The following MACROD2 variants were observed in gnomAD, a reference collection of about 807,000 sequenced individuals.
MACROD2 encodes the protein ADP-ribose glycohydrolase MACROD2.
A neutral mutation model predicts 70.4 loss-of-function variants in MACROD2; 36 were observed. The observed-to-expected ratio is 0.51, with a 90% confidence interval of 0.39 to 0.68. MACROD2 has a LOEUF of 0.68. MACROD2 is among the 30% of genes least tolerant of loss of function. The pLI is 0.00. For synonymous variants in MACROD2, 172 were observed against 178.8 expected (o/e 0.96, Z 0.30); for missense variants, 496 against 538.4 (o/e 0.92, Z 0.78).
chr20:14,977,632 A>G (rs1254285957), intron 5 of MACROD2, among the ~76,000 whole-genome samples: 2 of 152,110 alleles, frequency 1.3e-5, no homozygotes, highest in Non-Finnish European at 2.9e-5. Context: ...ATAGGGTGTT[A>G]TGAGAGTCAA....
At chr20:14,946,401 A>T (rs2074432575) in intron 5 of MACROD2, among the ~76,000 whole-genome samples, 1 of 152,174 alleles carries the variant, frequency 6.6e-6, no homozygotes, top group Admixed American at 6.5e-5. Flanking sequence ...ATATATCAGA[A>T]AAAATTACAC....
chr20:14,900,555 T>TA (rs113746137), intron 5 of MACROD2, among the ~76,000 whole-genome samples: 2 of 142,296 alleles, frequency 1.4e-5, no homozygotes, highest in Non-Finnish European at 3.1e-5. Context: ...CTTTCTGAGA[T>TA]TTTTTTTAAA....
At chr20:14,732,133 AAG>A (rs2071606048) in intron 5 of MACROD2, among the ~76,000 whole-genome samples, 1 of 152,166 alleles carries the variant, frequency 6.6e-6, no homozygotes, top group South Asian at 2.1e-4. Context: ...ATACAACAGA[AAG>A]GGAATATTTA....
Position 15,301,863 on chromosome 20 carries a change from C to T in MACROD2, c.540+71802C>T, listed in dbSNP as rs552478810. Among the ~76,000 whole-genome samples the T allele has an allele frequency of 3.9e-5, 6 of 152,204 alleles. No homozygotes were observed. The East Asian group carries it at 7.7e-4, about 20-fold the overall frequency. On this transcript the variant is annotated intron_variant, in intron 6 of 17. Coordinates refer to ENST00000684519, the MANE Select transcript of MACROD2 (RefSeq NM_001351661.2). ...GTTCTGGAACTTAGTCATTCTCTCG[C>T]GTCTCATTTTTCCTCTAACTTTCAG... is the stretch of plus-strand genomic sequence containing the variant.
At chr20:15,126,828 A>T (rs1214995647) in intron 5 of MACROD2, among the ~76,000 whole-genome samples, 2 of 152,154 alleles carry the variant, frequency 1.3e-5, no homozygotes, top group African/African-American at 4.8e-5. Flanking sequence ...CTTGTAAAAT[A>T]AAAGGATAAT....
At chr20:15,998,705 C>T (rs6080080) in intron 15 of MACROD2, among the ~76,000 whole-genome samples, 57,380 of 151,280 alleles carry the variant, frequency 0.38, 11,897 homozygotes, top group Non-Finnish European at 0.45. Flanking sequence ...GCTGGGACTA[C>T]AGGCACCCGC....
chr20:15,289,095 G>A (rs575979999), intron 6 of MACROD2, among the ~76,000 whole-genome samples: 18 of 152,196 alleles, frequency 1.2e-4, no homozygotes, highest in South Asian at 6.2e-4. Context: ...GTGCCTGCCC[G>A]CCTCACCCAT....
chr20:14,088,564 C>A (rs950174340), intron 3 of MACROD2, among the ~76,000 whole-genome samples: 2 of 152,088 alleles, frequency 1.3e-5, no homozygotes, highest in Non-Finnish European at 2.9e-5. Flanking sequence ...TACAATTGAT[C>A]ATATCTACTT....
chr20:15,887,888 T>A (rs1234264166), intron 10 of MACROD2, among the ~76,000 whole-genome samples: 1 of 152,186 alleles, frequency 6.6e-6, no homozygotes, highest in East Asian at 1.9e-4. Flanking sequence ...AATTGGTGTG[T>A]GTTTTACATA....
intron 5 of MACROD2, among the ~76,000 whole-genome samples, chr20:14,994,043 A>G (rs1275179736): frequency 6.6e-6 from 1 of 152,160 alleles, no homozygotes; most frequent in Non-Finnish European, 1.5e-5. Context: ...GCTCCCCTAT[A>G]GGTTGGAGAA....
chr20:14,670,517 A>G (rs928454342), intron 4 of MACROD2, among the ~76,000 whole-genome samples: 14 of 152,150 alleles, frequency 9.2e-5, no homozygotes, highest in Non-Finnish European at 4.4e-5. Context: ...ATGTTTCGTC[A>G]GATCAGAATT....
intron 6 of MACROD2, among the ~76,000 whole-genome samples, chr20:15,262,986 G>A (rs2077262321): frequency 6.6e-6 from 1 of 151,988 alleles, no homozygotes; most frequent in South Asian, 2.1e-4. Flanking sequence ...CCGATTCTGT[G>A]GGTTGTTTCT....
chr20:15,529,101 T>C (rs373463988), intron 8 of MACROD2, among the ~76,000 whole-genome samples: 1 of 152,172 alleles, frequency 6.6e-6, no homozygotes, highest in African/African-American at 2.4e-5. Context: ...CTCCACGTGA[T>C]TGATCAGATT....
intron 3 of MACROD2, among the ~76,000 whole-genome samples, chr20:14,190,443 T>A (rs961222496): frequency 2.6e-5 from 4 of 151,760 alleles, no homozygotes; most frequent in African/African-American, 9.7e-5. Context: ...CTTTTGATTA[T>A]CCATGCTAAC....
intron 3 of MACROD2, among the ~76,000 whole-genome samples, chr20:14,158,501 C>A (rs2055136881): frequency 6.6e-6 from 1 of 152,012 alleles, no homozygotes; most frequent in South Asian, 2.1e-4. Flanking sequence ...AAAATCCTTG[C>A]CTAGACTAAT....
At chr20:15,048,282 A>G (rs2075411328) in intron 5 of MACROD2, among the ~76,000 whole-genome samples, 1 of 152,082 alleles carries the variant, frequency 6.6e-6, no homozygotes, top group South Asian at 2.1e-4. Context: ...CTCCATCTCA[A>G]AAACAAACAC....
intron 6 of MACROD2, among the ~76,000 whole-genome samples, chr20:15,290,868 G>T (rs148011795): frequency 5.0e-4 from 76 of 152,216 alleles, no homozygotes; most frequent in Middle Eastern, 6.8e-3. Context: ...TCAATTCCTA[G>T]GTGCTGGGGC....
rs550556488 is a variant in MACROD2 at position 15,991,188 on chromosome 20, C to G, written c.1153+4030C>G. On this transcript the variant is annotated intron_variant, in intron 15 of 17. Transcript: ENST00000684519. ...GTTTACACAGAAACTCTGCTCAGAACCAAGCTGGATTTCCATCACCATCTT... is the reference window on the plus strand; with the variant it reads ...GTTTACACAGAAACTCTGCTCAGAAGCAAGCTGGATTTCCATCACCATCTT... 3.3e-5 allele frequency among the ~76,000 whole-genome samples: 5 copies of G among 152,336 alleles called. No individual in the cohort carries two copies. In the East Asian group the frequency reaches 9.6e-4, roughly 29 times the overall value.
chr20:14,847,644 T>A (rs901164577), intron 5 of MACROD2, among the ~76,000 whole-genome samples: 3 of 151,378 alleles, frequency 2.0e-5, no homozygotes, highest in Non-Finnish European at 2.9e-5. Flanking sequence ...TCCCCCCTTT[T>A]AAAAAAAAAT....
Sources: gnomAD v4.1 joint callset for allele counts (sites outside exome capture counted in the v4.1 genomes callset) on GRCh38, gnomAD v4.1.1 for gene constraint, MANE v1.5 for transcripts, NCBI Gene and HGNC (gene_info 2026-07-23, HGNC 2026-07-21) for gene names.